Variants in C19orf38 observed in about 807,000 individuals in gnomAD.
The protein encoded by C19orf38 is chromosome 19 open reading frame 38, also known as protein HIDE1.
In C19orf38, 14 loss-of-function variants were observed where a neutral mutation model predicts 26.6. That is an observed-to-expected ratio of 0.53 (90% CI 0.35 to 0.82). The LOEUF (loss-of-function observed/expected upper bound fraction) is 0.82. C19orf38 is among the 40% of genes least tolerant of loss of function. C19orf38 has a pLI of 0.01. For missense variants in C19orf38, 261 were observed against 299.5 expected (o/e 0.87, Z 0.95); for synonymous variants, 132 against 128.5 (o/e 1.03, Z -0.18).
intron 1 of C19orf38, chr19:10,841,799 C>T: frequency 9.5e-7 from 1 of 1,052,380 alleles, no homozygotes; most frequent in Non-Finnish European, 1.5e-6. Context: ...ATAGTGAGAT[C>T]CCATCTCCAC....
chr19:10,865,336 G>A (rs540441733), intron 6 of C19orf38, among the ~76,000 whole-genome samples: 67 of 152,246 alleles, frequency 4.4e-4, no homozygotes, highest in Middle Eastern at 6.8e-3. Flanking sequence ...TAGTAGAGAC[G>A]GGTTTTCATC....
In C19orf38 at chr19:10,850,392, G is replaced by A; in HGVS notation, c.165G>A (p.Gly55=). ...CGAATTTCACACTGTATCGAGGGGG[G>A]CAGGTGGTCCAGCTCCTGCAGGCCC... ...PGANFTLYRG[G]QVVQLLQAPT... is the part of the protein sequence containing the mutation. The change falls in exon 2 of 7, where the codon GGG becomes GGA. Residue 55 remains glycine (G), a synonymous_variant. Coordinates refer to ENST00000397820, the MANE Select transcript of C19orf38 (RefSeq NM_001136482.3). 6.4e-7 allele frequency: 1 copy of A among 1,550,844 alleles called. No individual in the cohort carries two copies. Among genetic ancestry groups the A allele is most frequent in the Non-Finnish European group, 8.7e-7 (1 of 1,146,524 alleles).
Position 10,869,422 on chromosome 19 carries a change from T to C in C19orf38, c.*55T>C. On this transcript the variant is annotated 3_prime_UTR_variant, in exon 7 of 7. Coordinates refer to ENST00000397820, the MANE Select transcript of C19orf38 (RefSeq NM_001136482.3). ...CAGGCATTCGGGGGCCTGAGGTCCC[T>C]CCAGCTACTTCTGGGGGGGCTCTGT... is the stretch of plus-strand genomic sequence containing the variant. The C allele has an allele frequency of 6.7e-7, 1 of 1,487,900 alleles. No individual in the cohort carries two copies. The highest frequency in any genetic ancestry group is 9.0e-7 in the Non-Finnish European group (1 of 1,116,754). The allele number at this position is 1,487,900 out of a possible 1,614,324, so 92.2% of individuals were successfully genotyped here.
chr19:10,857,366 A>ATATATATATATTTTTTT (rs1433358051), intron 3 of C19orf38, among the ~76,000 whole-genome samples: 2 of 56,080 alleles, frequency 3.6e-5, no homozygotes, highest in Non-Finnish European at 2.6e-5. Context: ...ATATATATAT[A>ATATATATATATTTTTTT]TTTTTTTTTT....
At chr19:10,860,169 C>T (rs2073681408) in intron 5 of C19orf38, 3 of 563,238 alleles carry the variant, frequency 5.3e-6, no homozygotes, top group Non-Finnish European at 9.6e-6. Flanking sequence ...TTCCCTGACT[C>T]CCTAGACAGG....
chr19:10,838,602 C>T (rs1273388205), intron 1 of C19orf38, among the ~76,000 whole-genome samples: 1 of 152,008 alleles, frequency 6.6e-6, no homozygotes, highest in Non-Finnish European at 1.5e-5. Context: ...TGTCTCACAG[C>T]CACGAAGAAC....
chr19:10,858,410 G>A, intron 4 of C19orf38, 67 bp downstream of exon 4: 3 of 1,447,592 alleles, frequency 2.1e-6, no homozygotes, highest in Non-Finnish European at 2.8e-6. Flanking sequence ...CTGGCAGGGT[G>A]GGCACTCCAT....
intron 3 of C19orf38, 77 bp from the exon 4 acceptor site, chr19:10,858,239 A>AAC (rs2073651356): frequency 2.5e-6 from 3 of 1,190,546 alleles, no homozygotes; most frequent in East Asian, 5.7e-5. Flanking sequence ...AAAAAAAAAA[A>AAC]AAAAAAAAAA....
intron 4 of C19orf38, 63 bp downstream of exon 4, chr19:10,858,406 G>A: frequency 6.9e-7 from 1 of 1,447,638 alleles, no homozygotes. Flanking sequence ...TTCCCTGGCA[G>A]GGTGGGCACT....
rs1381692814 is a variant in C19orf38, at chr19:10,858,297, C to G, written c.434-19C>G. 6 of 1,390,118 alleles carry G rather than the reference C, an allele frequency of 4.3e-6. No individual in the cohort carries two copies. The Admixed American group carries it at 1.3e-4, about 29-fold the overall frequency. The allele number at this position is 1,390,118 out of a possible 1,614,324, so 86.1% of individuals were successfully genotyped here. A position where few individuals can be genotyped will look rare whatever the true frequency, so the allele number is the denominator to read the frequency against. Reference sequence around the variant, plus strand: ...TTAGGACCAAAATCTAACACATGCTCATTTCTTTTTTGTTCCAGTTAAACT... The same window carrying G: ...TTAGGACCAAAATCTAACACATGCTGATTTCTTTTTTGTTCCAGTTAAACT... On this transcript the variant is annotated intron_variant, in intron 3 of 6. Coordinates refer to ENST00000397820, the MANE Select transcript of C19orf38 (RefSeq NM_001136482.3).
chr19:10,851,937 C>T (rs182896710), intron 2 of C19orf38, among the ~76,000 whole-genome samples: 5 of 148,054 alleles, frequency 3.4e-5, no homozygotes, highest in Admixed American at 2.0e-4. Flanking sequence ...CACTGCAGTC[C>T]GCAGTCCGGC....
At chr19:10,848,615 A>AAG in intron 1 of C19orf38, 76 bp downstream of exon 1, 2 of 1,353,360 alleles carry the variant, frequency 1.5e-6, no homozygotes, top group Non-Finnish European at 2.0e-6. Flanking sequence ...CTCCAGGGGC[A>AAG]GAAACCAGTG....
intron 2 of C19orf38, among the ~76,000 whole-genome samples, chr19:10,851,182 T>C (rs535688624): frequency 1.3e-5 from 2 of 152,272 alleles, no homozygotes; most frequent in South Asian, 4.1e-4. Context: ...GCCTCCTGAG[T>C]ATCTGGGATT....
rs975765401 is a variant in C19orf38 at position 10,838,920 on chromosome 19, C to CT, written c.-69+2162dup. Among the ~76,000 whole-genome samples, 513 of 143,518 alleles carry CT rather than the reference C, an allele frequency of 3.6e-3. 4 individuals are homozygous for CT. The highest frequency in any genetic ancestry group is 7.2e-3 in the Middle Eastern group (2 of 276). The allele number at this position is 143,518 out of a possible 152,430, so 94.2% of individuals were successfully genotyped here. A position where few individuals can be genotyped will look rare whatever the true frequency, so the allele number is the denominator to read the frequency against. ...CGCCCATTTCTTTTTCTTTTTTTTT[C>CT]TTTTTTTTTTTTGAGACAGAGTCTT... On this transcript the variant is annotated intron_variant, in intron 1 of 7. Transcript: ENST00000592854.
intron 3 of C19orf38, among the ~76,000 whole-genome samples, chr19:10,857,249 T>C (rs1174877678): frequency 6.7e-6 from 1 of 148,804 alleles, no homozygotes; most frequent in Non-Finnish European, 1.5e-5. Flanking sequence ...ATTATGTGTG[T>C]TTGTGTGTGT....
intron 1 of C19orf38, 28 bp from the exon 2 acceptor site, chr19:10,850,231 C>T (rs751181800): frequency 4.6e-6 from 7 of 1,527,354 alleles, no homozygotes; most frequent in Non-Finnish European, 6.2e-6. Context: ...TCACCACGCA[C>T]CCACCCACCT....
intron 1 of C19orf38, among the ~76,000 whole-genome samples, chr19:10,843,049 GGTTTATCTTTCAGTGTGGCT>G (rs2073490843): frequency 1.3e-5 from 2 of 152,306 alleles, no homozygotes; most frequent in Middle Eastern, 3.4e-3. Context: ...GTGGGGGTGT[GGTTTATCTTTCAGTGTGGCT>G]GGATCCGGGG....
upstream of C19orf38, among the ~76,000 whole-genome samples, chr19:10,847,417 A>G (rs1599657794): frequency 8.0e-6 from 1 of 125,278 alleles, no homozygotes; most frequent in African/African-American, 3.2e-5. Context: ...CTTGTTGCCC[A>G]GGCTGGAGTG....
upstream of C19orf38, chr19:10,848,407 C>T (rs1463768301): frequency 1.6e-6 from 2 of 1,273,314 alleles, no homozygotes; most frequent in African/African-American, 1.5e-5. Flanking sequence ...CGAGAATCAG[C>T]CCTGGTTCTC....
Sources: allele counts gnomAD v4.1 joint callset (sites outside exome capture counted in the v4.1 genomes callset), GRCh38; gene constraint gnomAD v4.1.1; transcripts MANE v1.5; gene names NCBI Gene and HGNC (gene_info 2026-07-23, HGNC 2026-07-21).